Variants in CAMK1D observed in about 807,000 individuals in gnomAD.
The protein encoded by CAMK1D is calcium/calmodulin-dependent protein kinase type 1D.
Under a neutral mutation model 47.7 loss-of-function variants are expected in CAMK1D, and 9 were observed. That is an observed-to-expected ratio of 0.19 (90% CI 0.11 to 0.33). The LOEUF (loss-of-function observed/expected upper bound fraction) is 0.33, where lower values mean the gene tolerates loss of function less well. Among genes scored for constraint, CAMK1D ranks in the 10% least tolerant of loss-of-function variants. The probability of loss-of-function intolerance (pLI) is 1.00; values close to 1 mark genes in which losing one functional copy is unlikely to be tolerated. For synonymous variants in CAMK1D, 184 were observed against 184.9 expected (o/e 0.99, Z 0.04); for missense variants, 291 against 488.7 (o/e 0.60, Z 3.81).
chr10:12,498,252 A>T (rs1834599911), intron 1 of CAMK1D, among the ~76,000 whole-genome samples: 5 of 152,164 alleles, frequency 3.3e-5, no homozygotes. Context: ...GGCAGTGGAG[A>T]CTTAGTGTTG....
chr10:12,404,726 ACT>A (rs973000426), intron 1 of CAMK1D, among the ~76,000 whole-genome samples: 2 of 149,774 alleles, frequency 1.3e-5, no homozygotes, highest in Non-Finnish European at 3.0e-5. Context: ...ATGGAGTCTC[ACT>A]CTGTCACCCA....
intron 1 of CAMK1D, among the ~76,000 whole-genome samples, chr10:12,446,013 T>C (rs1832914839): frequency 6.6e-6 from 1 of 152,240 alleles, no homozygotes; most frequent in African/African-American, 2.4e-5. Flanking sequence ...ACCTGTTATT[T>C]GCAGATAGTA....
chr10:12,439,577 C>T (rs868074706), intron 1 of CAMK1D, among the ~76,000 whole-genome samples: 22 of 152,148 alleles, frequency 1.4e-4, no homozygotes, highest in African/African-American at 4.3e-4. Flanking sequence ...TGAAGGGTCC[C>T]GGTTGTAGAG....
At chr10:12,366,217 T>C (rs1200777925) in intron 1 of CAMK1D, among the ~76,000 whole-genome samples, 2 of 152,278 alleles carry the variant, frequency 1.3e-5, no homozygotes, top group Non-Finnish European at 2.9e-5. Context: ...CTGTTTTCTT[T>C]GGCTCTATTT....
chr10:12,517,772 GT>G (rs1835254936), intron 1 of CAMK1D, among the ~76,000 whole-genome samples: 1 of 152,024 alleles, frequency 6.6e-6, no homozygotes, highest in Admixed American at 6.5e-5. Context: ...ATCCCATTTG[GT>G]AACAGTTTGT....
chr10:12,785,369 A>C (rs1017746513), intron 5 of CAMK1D, among the ~76,000 whole-genome samples: 1 of 152,188 alleles, frequency 6.6e-6, no homozygotes, highest in East Asian at 1.9e-4. Flanking sequence ...TGTCTTTGTT[A>C]GTAGCTCCAA....
intron 5 of CAMK1D, among the ~76,000 whole-genome samples, chr10:12,782,649 C>T (rs1450936150): frequency 6.6e-6 from 1 of 152,178 alleles, no homozygotes. Context: ...GGGGGGGCAT[C>T]GCTTCGTCCC....
chr10:12,360,455 C>G (rs1224045721), intron 1 of CAMK1D, among the ~76,000 whole-genome samples: 5 of 152,268 alleles, frequency 3.3e-5, no homozygotes, highest in African/African-American at 1.2e-4. Context: ...AGGCCAGCGT[C>G]CCCTGCCCCC....
rs533231959 is a variant in CAMK1D, at chr10:12,463,771, C to G, written c.93-89454C>G. On this transcript the variant is annotated intron_variant, in intron 1 of 10. Transcript: ENST00000619168. ...CTTGGATTATAATTCCTATAAATCC[C>G]CATAATCCGCAGGTGTCAAGGGAGA... 1.3e-4 allele frequency among the ~76,000 whole-genome samples: 20 copies of G among 152,022 alleles called. No individual in the cohort carries two copies. In the South Asian group the frequency reaches 4.2e-3, roughly 32 times the overall value.
chr10:12,523,230 G>A (rs1222310648), intron 1 of CAMK1D, among the ~76,000 whole-genome samples: 16 of 151,182 alleles, frequency 1.1e-4, no homozygotes, highest in Admixed American at 5.9e-4. Context: ...GATGATGGGC[G>A]GCCGGGAAGA....
At chr10:12,620,198 A>T (rs1468646886) in intron 2 of CAMK1D, among the ~76,000 whole-genome samples, 12 of 142,674 alleles carry the variant, frequency 8.4e-5, no homozygotes, top group African/African-American at 3.0e-4. Flanking sequence ...AAAAAAAAAA[A>T]AAAAAAAAAA....
chr10:12,590,341 C>T lies in CAMK1D; in HGVS notation c.224+36985C>T, dbSNP rs1837960895. Among the ~76,000 whole-genome samples, 4 of 152,170 alleles carry T rather than the reference C, an allele frequency of 2.6e-5. No homozygotes were observed. In the South Asian group the frequency reaches 8.3e-4, roughly 32 times the overall value. The stretch of plus-strand genomic sequence containing the variant: ...CAAGCGATCCTCCTACCTCAGCCTT[C>T]CGAGTAGCTCGGACTGTGGGTGCAC... On this transcript the variant is annotated intron_variant, in intron 2 of 10. Transcript: ENST00000619168.
At position 12,685,839 on chromosome 10, in the gene CAMK1D, G is replaced by A. The variant is rs1832638892; in HGVS notation, c.299+19029G>A. Among the ~76,000 whole-genome samples, 5 of 152,184 alleles carry A rather than the reference G, an allele frequency of 3.3e-5. No homozygotes were observed. In the South Asian group the frequency reaches 1.0e-3, roughly 32 times the overall value. Reference sequence around the variant, plus strand: ...AGAACAGATGAGTGGGCAGTCATGGGAATTTTCGGCTCTTCGGGAAAGTTG... The same window carrying A: ...AGAACAGATGAGTGGGCAGTCATGGAAATTTTCGGCTCTTCGGGAAAGTTG... On this transcript the variant is annotated intron_variant, in intron 3 of 10. Transcript: ENST00000619168.
intron 3 of CAMK1D, among the ~76,000 whole-genome samples, chr10:12,724,057 C>T (rs1834512079): frequency 6.6e-6 from 1 of 152,166 alleles, no homozygotes; most frequent in Non-Finnish European, 1.5e-5. Flanking sequence ...GGCGTGATCC[C>T]AGCTCACTGC....
At chr10:12,544,655 TAAAG>T (rs1564402434) in intron 1 of CAMK1D, among the ~76,000 whole-genome samples, 1 of 152,240 alleles carries the variant, frequency 6.6e-6, no homozygotes, top group African/African-American at 2.4e-5. Flanking sequence ...CATTGAAACT[TAAAG>T]AAACATATTA....
intron 2 of CAMK1D, among the ~76,000 whole-genome samples, chr10:12,593,544 T>G (rs1838057907): frequency 6.6e-6 from 1 of 151,980 alleles, no homozygotes; most frequent in African/African-American, 2.4e-5. Context: ...GAGCCAAGAT[T>G]GTGCCATTGC....
At chr10:12,816,383 G>A (rs1447083772) in intron 8 of CAMK1D, 55 bp downstream of exon 8, 9 of 1,384,838 alleles carry the variant, frequency 6.5e-6, no homozygotes, top group African/African-American at 2.9e-5. Flanking sequence ...TCTGGGGGGG[G>A]CACGAAACTT....
chr10:12,696,828 A>G (rs1833317217), intron 3 of CAMK1D, among the ~76,000 whole-genome samples: 1 of 152,120 alleles, frequency 6.6e-6, no homozygotes, highest in South Asian at 2.1e-4. Flanking sequence ...CGAAGAAAAT[A>G]GCTTATGAAG....
At chr10:12,404,593 T>C (rs980285082) in intron 1 of CAMK1D, among the ~76,000 whole-genome samples, 1 of 152,194 alleles carries the variant, frequency 6.6e-6, no homozygotes, top group Non-Finnish European at 1.5e-5. Context: ...ATTGAGTTAT[T>C]CTTGGTATGA....
Sources: gnomAD v4.1 joint callset for allele counts (sites outside exome capture counted in the v4.1 genomes callset) on GRCh38, gnomAD v4.1.1 for gene constraint, MANE v1.5 for transcripts, NCBI Gene and HGNC (gene_info 2026-07-23, HGNC 2026-07-21) for gene names.